Variants in RAPGEF5 observed in about 807,000 individuals in gnomAD.
RAPGEF5 encodes the protein M-Ras-regulated GEF.
RAPGEF5 carries 65 observed loss-of-function variants against 125.2 expected under a neutral mutation model. That is an observed-to-expected ratio of 0.52 (90% CI 0.43 to 0.64). The LOEUF is 0.64. Among genes scored for constraint, RAPGEF5 ranks in the 30% least tolerant of loss-of-function variants. The probability of loss-of-function intolerance (pLI) is 0.00; values close to 1 mark genes in which losing one functional copy is unlikely to be tolerated. For synonymous variants in RAPGEF5, 391 were observed against 385.9 expected, an observed-to-expected ratio of 1.01 and a Z score of -0.16; for missense variants, 958 against 1,048.1, an observed-to-expected ratio of 0.91 and a Z score of 1.19.
chr7:22,259,433 G>A (rs1021395097), intron 7 of RAPGEF5, among the ~76,000 whole-genome samples: 52 of 152,184 alleles, frequency 3.4e-4, no homozygotes, highest in African/African-American at 1.1e-3. Flanking sequence ...AGCCACTTTG[G>A]AAGACAACTT....
At chr7:22,336,957 G>C (rs964127680) in intron 1 of RAPGEF5, among the ~76,000 whole-genome samples, 1 of 152,128 alleles carries the variant, frequency 6.6e-6, no homozygotes, top group Non-Finnish European at 1.5e-5. Context: ...CTTGAGAAAG[G>C]GCTTCAGACT....
chr7:22,357,086 G>A lies in RAPGEF5; in HGVS notation c.-26C>T. On this transcript the variant is annotated 5_prime_UTR_variant, in exon 1 of 26. Transcript: ENST00000665637. ...GCCCTGACGGCGCTGCGGCGCCGGG[G>A]GCTCCTCTCCACCGCGCTCGCCTCC... is the stretch of plus-strand genomic sequence containing the variant. The A allele has an allele frequency of 2.0e-6, 2 of 1,017,370 alleles. No individual in the cohort carries two copies. Among genetic ancestry groups the A allele is most frequent in the South Asian group, 4.3e-5 (1 of 23,298 alleles). 63.0% of individuals were successfully genotyped at this position (1,017,370 alleles called of 1,614,324 possible).
chr7:22,146,652 T>C (rs1174033252), intron 19 of RAPGEF5, among the ~76,000 whole-genome samples: 2 of 152,210 alleles, frequency 1.3e-5, no homozygotes, highest in African/African-American at 4.8e-5. Flanking sequence ...TATATTTATA[T>C]GCATGAAATA....
intron 11 of RAPGEF5, among the ~76,000 whole-genome samples, 192 bp from the exon 12 acceptor site, chr7:22,167,340 C>T (rs753326262): frequency 5.9e-5 from 9 of 152,152 alleles, no homozygotes; most frequent in Non-Finnish European, 1.3e-4. Flanking sequence ...CTCCTTATAT[C>T]AAATGCCTCA....
At chr7:22,142,114 G>C (rs1049679305) in intron 20 of RAPGEF5, among the ~76,000 whole-genome samples, 1 of 152,174 alleles carries the variant, frequency 6.6e-6, no homozygotes, top group Admixed American at 6.5e-5. Flanking sequence ...TGGTCAGTAA[G>C]AACTGTTCCA....
At chr7:22,298,514 T>C (rs1249108031) in intron 5 of RAPGEF5, 1 of 152,144 alleles carries the variant, frequency 6.6e-6, no homozygotes, top group Non-Finnish European at 1.5e-5. Context: ...GTCATGACAG[T>C]GCTGGCCTCA....
intron 11 of RAPGEF5, among the ~76,000 whole-genome samples, chr7:22,183,368 C>T (rs1784735134): frequency 6.9e-6 from 1 of 144,126 alleles, no homozygotes; most frequent in Admixed American, 7.0e-5. Context: ...TGTGTACATA[C>T]TTATGGCAAC....
intron 1 of RAPGEF5, among the ~76,000 whole-genome samples, chr7:22,353,873 CT>C (rs1784374762): frequency 1.3e-5 from 2 of 151,900 alleles, no homozygotes; most frequent in African/African-American, 4.8e-5. Flanking sequence ...AACAGATAGC[CT>C]ACAACGTAGT....
chr7:22,306,777 GCCAGTTCTC>G (rs1394096862), intron 5 of RAPGEF5, among the ~76,000 whole-genome samples: 1 of 152,148 alleles, frequency 6.6e-6, no homozygotes, highest in African/African-American at 2.4e-5. Flanking sequence ...CATGTGGATA[GCCAGTTCTC>G]CCAGCACCAT....
chr7:22,308,904 G>A (rs557551467), intron 4 of RAPGEF5, among the ~76,000 whole-genome samples: 45 of 152,140 alleles, frequency 3.0e-4, no homozygotes, highest in Non-Finnish European at 4.7e-4. Flanking sequence ...TCAACTTAGG[G>A]TGACTGTGCC....
chr7:22,127,342 A>C (rs1337542948), intron 24 of RAPGEF5, among the ~76,000 whole-genome samples: 4 of 152,152 alleles, frequency 2.6e-5, no homozygotes, highest in African/African-American at 7.2e-5. Context: ...CCTGGCCGGC[A>C]AAAGTCTTCT....
intron 7 of RAPGEF5, among the ~76,000 whole-genome samples, chr7:22,237,726 G>A (rs970478300): frequency 2.6e-5 from 4 of 152,066 alleles, no homozygotes; most frequent in East Asian, 1.9e-4. Context: ...AATAATCCTC[G>A]TCTCAGAGAT....
chr7:22,202,895 C>T (rs373428262), intron 9 of RAPGEF5: 1 of 364,992 alleles, frequency 2.7e-6, no homozygotes. Context: ...GAATACTGGA[C>T]ACAGAGAAAG....
intron 6 of RAPGEF5, among the ~76,000 whole-genome samples, chr7:22,287,255 T>C (rs560018331): frequency 3.7e-4 from 56 of 152,344 alleles, no homozygotes; most frequent in African/African-American, 1.3e-3. Context: ...CATGTTTATG[T>C]ACATTTAACA....
At chr7:22,249,414 C>A (rs779198793) in intron 7 of RAPGEF5, among the ~76,000 whole-genome samples, 1 of 151,842 alleles carries the variant, frequency 6.6e-6, no homozygotes, top group Non-Finnish European at 1.5e-5. Flanking sequence ...GGTCTCAAAC[C>A]CCTGACCTCA....
At chr7:22,214,881 G>A (rs1267275610) in intron 9 of RAPGEF5, among the ~76,000 whole-genome samples, 1 of 152,082 alleles carries the variant, frequency 6.6e-6, no homozygotes, top group Non-Finnish European at 1.5e-5. Flanking sequence ...AATTCACTCT[G>A]GCCCCAAGTC....
chr7:22,281,792 TA>T (rs1782678993), intron 6 of RAPGEF5, among the ~76,000 whole-genome samples: 1 of 152,238 alleles, frequency 6.6e-6, no homozygotes, highest in African/African-American at 2.4e-5. Context: ...AAGATGTTAC[TA>T]CATAAAGCTT....
intron 9 of RAPGEF5, among the ~76,000 whole-genome samples, chr7:22,198,821 T>C (rs569630268): frequency 6.6e-6 from 1 of 152,218 alleles, no homozygotes; most frequent in Non-Finnish European, 1.5e-5. Context: ...ACTAATGCTA[T>C]GAAAATTCCC....
intron 11 of RAPGEF5, among the ~76,000 whole-genome samples, chr7:22,189,210 T>C (rs953818093): frequency 4.0e-5 from 6 of 151,782 alleles, no homozygotes; most frequent in African/African-American, 1.5e-4. Flanking sequence ...TTCAAAAAGA[T>C]GAATAAGGAA....
Sources: allele counts gnomAD v4.1 joint callset (sites outside exome capture counted in the v4.1 genomes callset), GRCh38; gene constraint gnomAD v4.1.1; transcripts MANE v1.5; gene names NCBI Gene and HGNC (gene_info 2026-07-23, HGNC 2026-07-21).